The following DPYS variants were observed in gnomAD, a reference collection of about 807,000 sequenced individuals.
DPYS encodes the protein dihydropyrimidinase.
In DPYS, 39 loss-of-function variants were observed where a neutral mutation model predicts 50.3. That is an observed-to-expected ratio of 0.78 (90% CI 0.60 to 1.01). The LOEUF (loss-of-function observed/expected upper bound fraction) is 1.01. Among genes scored for constraint, DPYS ranks in the 50% least tolerant of loss-of-function variants. The pLI is 0.00. For missense variants in DPYS, 659 were observed against 680.9 expected, an observed-to-expected ratio of 0.97 and a Z score of 0.36; for synonymous variants, 245 against 250.7, an observed-to-expected ratio of 0.98 and a Z score of 0.22.
At chr8:104,381,851 A>C (rs1811056196) in intron 8 of DPYS, among the ~76,000 whole-genome samples, 1 of 54,490 alleles carries the variant, frequency 1.8e-5, no homozygotes, top group Non-Finnish European at 5.7e-5. Flanking sequence ...GAGTTTTGAA[A>C]TCACACACAC....
intron 7 of DPYS, among the ~76,000 whole-genome samples, chr8:104,409,850 A>T (rs1475066650): frequency 6.6e-6 from 1 of 152,200 alleles, no homozygotes; most frequent in East Asian, 1.9e-4. Context: ...CGAAGAGGGG[A>T]GTAACTTGCC....
intron 7 of DPYS, 105 bp downstream of exon 7, chr8:104,424,142 A>T (rs1287986385): frequency 6.3e-7 from 1 of 1,596,474 alleles, no homozygotes; most frequent in Non-Finnish European, 8.6e-7. Flanking sequence ...CAGCTAAAGA[A>T]GTCATCTAAG....
At chr8:104,446,421 T>C (rs1813532942) in intron 3 of DPYS, among the ~76,000 whole-genome samples, 2 of 152,250 alleles carry the variant, frequency 1.3e-5, no homozygotes, top group Non-Finnish European at 2.9e-5. Context: ...TAATCAGTTT[T>C]ACTTTTATTA....
intron 8 of DPYS, among the ~76,000 whole-genome samples, chr8:104,386,648 G>C (rs1464774197): frequency 1.3e-5 from 2 of 148,346 alleles, no homozygotes; most frequent in Non-Finnish European, 3.0e-5. Flanking sequence ...ATTTTTTTGA[G>C]ACAGAGCCTC....
chr8:104,446,008 G>A (rs1813516136), intron 3 of DPYS, among the ~76,000 whole-genome samples: 1 of 152,142 alleles, frequency 6.6e-6, no homozygotes, highest in African/African-American at 2.4e-5. Context: ...TCGCACCACT[G>A]CACTCCAGCC....
At chr8:104,441,556 T>C (rs371508917) in intron 4 of DPYS, among the ~76,000 whole-genome samples, 1 of 152,210 alleles carries the variant, frequency 6.6e-6, no homozygotes, top group African/African-American at 2.4e-5. Context: ...AATAATGTGA[T>C]GTGAGAAGAT....
At chr8:104,410,936 G>A (rs2853161) in intron 7 of DPYS, among the ~76,000 whole-genome samples, 74,018 of 151,744 alleles carry the variant, frequency 0.49, 18,663 homozygotes, top group Middle Eastern at 0.55. Flanking sequence ...CCAAGGATTC[G>A]GTTAGTGCAA....
At chr8:104,433,793 G>A (rs987357336) in intron 4 of DPYS, among the ~76,000 whole-genome samples, 1 of 152,134 alleles carries the variant, frequency 6.6e-6, no homozygotes, top group Non-Finnish European at 1.5e-5. Flanking sequence ...AGCACTCAGC[G>A]TGACTACTTG....
intron 8 of DPYS, among the ~76,000 whole-genome samples, chr8:104,388,953 G>A (rs566458676): frequency 3.1e-4 from 47 of 152,320 alleles, no homozygotes; most frequent in African/African-American, 1.1e-3. Context: ...GGTAAATTTA[G>A]TTAAATTTCC....
At chr8:104,391,358 A>C (rs141395732) in intron 8 of DPYS, among the ~76,000 whole-genome samples, 247 of 152,290 alleles carry the variant, frequency 1.6e-3, no homozygotes, top group African/African-American at 3.7e-3. Flanking sequence ...AAGGGTGGCA[A>C]ACACTACCAT....
At chr8:104,427,200 C>CAAA (rs1269273453) in intron 6 of DPYS, among the ~76,000 whole-genome samples, 3 of 57,774 alleles carry the variant, frequency 5.2e-5, no homozygotes, top group South Asian at 7.5e-4. Context: ...GACTCCGTCT[C>CAAA]AAAAAAAAAA....
intron 8 of DPYS, among the ~76,000 whole-genome samples, chr8:104,386,490 C>A (rs1374277938): frequency 1.3e-5 from 2 of 150,416 alleles, no homozygotes; most frequent in Non-Finnish European, 3.0e-5. Context: ...CCAAGATCAT[C>A]CCACTGCACT....
chr8:104,379,913 C>T, intron 9 of DPYS, 70 bp from the exon 10 acceptor site: 2 of 448,160 alleles, frequency 4.5e-6, no homozygotes, highest in South Asian at 1.6e-5. Flanking sequence ...TCAAACCTAA[C>T]CCCCAAGAAA....
Position 104,451,387 on chromosome 8 carries a change from G to A in DPYS, c.282C>T (p.Gly94=). 6.2e-7 allele frequency: 1 copy of A among 1,614,150 alleles called. No individual in the cohort carries two copies. The change falls in exon 2 of 10, where the codon GGC becomes GGT. Residue 94 remains glycine (G), a synonymous_variant. Coordinates refer to ENST00000351513, the MANE Select transcript of DPYS (RefSeq NM_001385.3). ...TGGCGAAATCAATAATCATGGTGGTGCCTCCTGAGAGAGCAGCCTGGAATC... is the reference window on the plus strand; with the variant it reads ...TGGCGAAATCAATAATCATGGTGGTACCTCCTGAGAGAGCAGCCTGGAATC... ...HQGTKAALSG[G]TTMIIDFAIP...
chr8:104,454,478 C>T (rs995744560), intron 1 of DPYS, among the ~76,000 whole-genome samples: 4 of 152,186 alleles, frequency 2.6e-5, no homozygotes, highest in African/African-American at 9.7e-5. Flanking sequence ...TTGTCCTATA[C>T]ACTTTAAATG....
intron 2 of DPYS, among the ~76,000 whole-genome samples, chr8:104,448,402 C>T (rs1156402817): frequency 6.6e-6 from 1 of 152,086 alleles, no homozygotes; most frequent in Non-Finnish European, 1.5e-5. Flanking sequence ...GTCATCTGCC[C>T]TCCTTGGCCT....
At chr8:104,438,614 T>A (rs1813234256) in intron 4 of DPYS, among the ~76,000 whole-genome samples, 1 of 152,220 alleles carries the variant, frequency 6.6e-6, no homozygotes, top group African/African-American at 2.4e-5. Flanking sequence ...AATATTTCCA[T>A]AATTTTACCC....
intron 7 of DPYS, among the ~76,000 whole-genome samples, chr8:104,400,442 G>A (rs187619068): frequency 1.3e-5 from 2 of 152,200 alleles, no homozygotes; most frequent in Non-Finnish European, 2.9e-5. Flanking sequence ...TTACTAAATA[G>A]TTTTCAAATT....
intron 3 of DPYS, among the ~76,000 whole-genome samples, chr8:104,446,993 C>G (rs891684296): frequency 2.0e-5 from 3 of 152,160 alleles, no homozygotes; most frequent in African/African-American, 7.2e-5. Context: ...TGAAAAACAA[C>G]AACAAAGCCA....
Sources: gnomAD v4.1 joint callset for allele counts (sites outside exome capture counted in the v4.1 genomes callset) on GRCh38, gnomAD v4.1.1 for gene constraint, MANE v1.5 for transcripts, NCBI Gene and HGNC (gene_info 2026-07-23, HGNC 2026-07-21) for gene names.